ENOX1: variants seen among roughly 807,000 people sequenced by gnomAD.
ENOX1 encodes the protein ecto-NOX disulfide-thiol exchanger 1, also known as candidate growth-related and time keeping constitutive hydroquinone (NADH) oxidase.
A neutral mutation model predicts 82.5 loss-of-function variants in ENOX1; 42 were observed. The ratio of observed to expected loss-of-function variants is 0.51; its 90% CI spans 0.40 to 0.66. The LOEUF (loss-of-function observed/expected upper bound fraction) is 0.66, where lower values mean the gene tolerates loss of function less well. ENOX1 is among the 30% of genes least tolerant of loss of function. The pLI, the probability that ENOX1 is intolerant of heterozygous loss-of-function variation, is 0.00. For missense variants in ENOX1, 608 were observed against 811.6 expected, an observed-to-expected ratio of 0.75 and a Z score of 3.05; for synonymous variants, 271 against 282.2, an observed-to-expected ratio of 0.96 and a Z score of 0.40.
At chr13:43,672,640 A>G (rs1281246513) in intron 1 of ENOX1, among the ~76,000 whole-genome samples, 3 of 152,146 alleles carry the variant, frequency 2.0e-5, no homozygotes, top group East Asian at 1.9e-4. Context: ...TGCTCATATT[A>G]TATCTGCATA....
chr13:43,372,129 A>G (rs1306383032), intron 5 of ENOX1, among the ~76,000 whole-genome samples: 1 of 152,214 alleles, frequency 6.6e-6, no homozygotes, highest in East Asian at 1.9e-4. Flanking sequence ...TGAGTCCACA[A>G]TGTCACAACA....
intron 1 of ENOX1, among the ~76,000 whole-genome samples, chr13:43,694,541 A>G (rs2086536228): frequency 6.6e-6 from 1 of 152,218 alleles, no homozygotes; most frequent in Admixed American, 6.5e-5. Flanking sequence ...GTTTCCTTTA[A>G]AACTGATCAC....
At chr13:43,646,266 G>A (rs1485066449) in intron 2 of ENOX1, among the ~76,000 whole-genome samples, 1 of 152,218 alleles carries the variant, frequency 6.6e-6, no homozygotes, top group Non-Finnish European at 1.5e-5. Flanking sequence ...GAATCAGGCA[G>A]GCTAACTTGT....
At chr13:43,387,985 C>A (rs560482492) in intron 5 of ENOX1, among the ~76,000 whole-genome samples, 12 of 152,134 alleles carry the variant, frequency 7.9e-5, no homozygotes, top group Admixed American at 5.9e-4. Context: ...TGGGTGGAAG[C>A]TTTTCCCCAG....
chr13:43,506,027 G>C (rs1386860355), intron 2 of ENOX1, among the ~76,000 whole-genome samples: 1 of 151,786 alleles, frequency 6.6e-6, no homozygotes, highest in Non-Finnish European at 1.5e-5. Context: ...CCCATTTTTT[G>C]TTTTTGTGAG....
At chr13:43,254,686 C>A (rs2043645834) in intron 14 of ENOX1, among the ~76,000 whole-genome samples, 1 of 152,144 alleles carries the variant, frequency 6.6e-6, no homozygotes, top group African/African-American at 2.4e-5. Flanking sequence ...AAATATTAGG[C>A]AGTCATTAAA....
At chr13:43,328,821 A>G (rs1408881062) in intron 9 of ENOX1, among the ~76,000 whole-genome samples, 2 of 152,232 alleles carry the variant, frequency 1.3e-5, no homozygotes, top group Non-Finnish European at 2.9e-5. Flanking sequence ...GCATAAGTTC[A>G]GTTCATTCAT....
intron 2 of ENOX1, among the ~76,000 whole-genome samples, chr13:43,648,758 C>A (rs2084014894): frequency 6.6e-6 from 1 of 152,192 alleles, no homozygotes; most frequent in Admixed American, 6.5e-5. Context: ...TTTATTTTTA[C>A]CATATTTTAT....
intron 2 of ENOX1, among the ~76,000 whole-genome samples, chr13:43,602,256 A>G (rs1334527155): frequency 2.6e-5 from 4 of 152,050 alleles, no homozygotes; most frequent in African/African-American, 9.7e-5. Context: ...GAAAAGACTA[A>G]TATCTTTACT....
intron 2 of ENOX1, among the ~76,000 whole-genome samples, chr13:43,616,149 TATAGATAG>T (rs1169186100): frequency 3.2e-5 from 1 of 30,812 alleles, no homozygotes; most frequent in African/African-American, 9.0e-5. Flanking sequence ...TAGATATCTA[TATAGATAG>T]ATATCTATCT....
chr13:43,262,136 A>C (rs1427048959), intron 14 of ENOX1, among the ~76,000 whole-genome samples: 1 of 152,172 alleles, frequency 6.6e-6, no homozygotes, highest in African/African-American at 2.4e-5. Flanking sequence ...CTCTGGTCAT[A>C]TACATGACTG....
intron 3 of ENOX1, among the ~76,000 whole-genome samples, chr13:43,456,140 A>G (rs1430413540): frequency 6.6e-6 from 1 of 152,054 alleles, no homozygotes; most frequent in Admixed American, 6.6e-5. Context: ...TAGATATAAC[A>G]GTATCTCTCA....
intron 9 of ENOX1, among the ~76,000 whole-genome samples, chr13:43,342,743 G>A (rs2049142702): frequency 6.6e-6 from 1 of 152,220 alleles, no homozygotes; most frequent in Admixed American, 6.5e-5. Context: ...AATTATTGCT[G>A]TAAATCTCCA....
At chr13:43,481,339 A>C (rs755449976) in intron 3 of ENOX1, among the ~76,000 whole-genome samples, 2 of 152,106 alleles carry the variant, frequency 1.3e-5, no homozygotes, top group South Asian at 4.1e-4. Context: ...GAGGATAGAG[A>C]GTCCAGAAAT....
chr13:43,675,836 G>A (rs932745067), intron 1 of ENOX1, among the ~76,000 whole-genome samples: 1 of 152,172 alleles, frequency 6.6e-6, no homozygotes, highest in Non-Finnish European at 1.5e-5. Flanking sequence ...CTCGGATGAG[G>A]TAAGGGTGGA....
rs983866729 is a variant in ENOX1 at position 43,506,892 on chromosome 13, C to T, written c.-218-22740G>A. On this transcript the variant is annotated intron_variant, in intron 2 of 16. Coordinates refer to ENST00000690772, the MANE Select transcript of ENOX1 (RefSeq NM_001347969.2). ...AGGTGATATACCTAATGCTAAATGACGAGTTAATGGGTGCAGCACATCAAC... is the reference window on the plus strand; with the variant it reads ...AGGTGATATACCTAATGCTAAATGATGAGTTAATGGGTGCAGCACATCAAC... Among the ~76,000 whole-genome samples the T allele has an allele frequency of 3.2e-4, 48 of 151,222 alleles. 1 individual carries two copies. The highest frequency in any genetic ancestry group is 1.0e-3 in the South Asian group (5 of 4,774).
intron 2 of ENOX1, among the ~76,000 whole-genome samples, chr13:43,640,490 G>C (rs1316011840): frequency 6.6e-6 from 1 of 152,148 alleles, no homozygotes; most frequent in African/African-American, 2.4e-5. Context: ...CAACTCACCA[G>C]GTTCTTCTAG....
intron 2 of ENOX1, among the ~76,000 whole-genome samples, chr13:43,520,140 C>T (rs1042902466): frequency 1.3e-5 from 2 of 152,108 alleles, no homozygotes; most frequent in Admixed American, 1.3e-4. Context: ...TAAATAAGTG[C>T]ACTCTAGTTT....
chr13:43,219,659 C>T (rs772922748), intron 16 of ENOX1, among the ~76,000 whole-genome samples: 6 of 152,124 alleles, frequency 3.9e-5, no homozygotes, highest in African/African-American at 9.7e-5. Flanking sequence ...CTGTTGATAC[C>T]GCAGAGGTCA....
Sources: gnomAD v4.1 joint callset for allele counts (sites outside exome capture counted in the v4.1 genomes callset) on GRCh38, gnomAD v4.1.1 for gene constraint, MANE v1.5 for transcripts, NCBI Gene and HGNC (gene_info 2026-07-23, HGNC 2026-07-21) for gene names.